Variants in RAD51B observed in about 807,000 individuals in gnomAD.
RAD51B encodes DNA repair protein RAD51 homolog 2.
Under a neutral mutation model 42.2 loss-of-function variants are expected in RAD51B, and 38 were observed. The ratio of observed to expected loss-of-function variants is 0.90; its 90% CI spans 0.70 to 1.18. The LOEUF (loss-of-function observed/expected upper bound fraction) is 1.18, where lower values mean the gene tolerates loss of function less well. Ranked by LOEUF, RAD51B falls within the 50% of genes most tolerant of loss-of-function variation. The probability of loss-of-function intolerance (pLI) is 0.00; values close to 1 mark genes in which losing one functional copy is unlikely to be tolerated. For missense variants in RAD51B, 373 were observed against 400.7 expected (o/e 0.93, Z 0.59); for synonymous variants, 154 against 145.2 (o/e 1.06, Z -0.43).
chr14:68,567,117 A>T (rs974954469), intron 10 of RAD51B, among the ~76,000 whole-genome samples: 3 of 152,054 alleles, frequency 2.0e-5, no homozygotes, highest in African/African-American at 7.2e-5. Flanking sequence ...GGCTGAGATG[A>T]TGAAACCCTG....
rs1310713227 is a variant in RAD51B at position 67,964,390 on chromosome 14, A to G, written c.756+77186A>G. 2.0e-5 allele frequency among the ~76,000 whole-genome samples: 3 copies of G among 152,322 alleles called. No homozygotes were observed. The East Asian group carries it at 5.8e-4, about 29-fold the overall frequency. ...AGAAGATTAAAAACAAAGCAGCTCC[A>G]AAGTGTGTGCACATCATGGAGAAGA... On this transcript the variant is annotated intron_variant, in intron 7 of 10. Transcript: ENST00000471583.
chr14:67,960,484 G>A (rs997304272), intron 7 of RAD51B, among the ~76,000 whole-genome samples: 1 of 152,044 alleles, frequency 6.6e-6, no homozygotes, highest in Non-Finnish European at 1.5e-5. Flanking sequence ...ATAGATTTTT[G>A]TTCTAGGACC....
At chr14:67,822,503 C>A (rs1354266383) in intron 1 of RAD51B, among the ~76,000 whole-genome samples, 2 of 152,056 alleles carry the variant, frequency 1.3e-5, no homozygotes, top group Non-Finnish European at 2.9e-5. Flanking sequence ...ATGGCAAAAC[C>A]CTGTCTCTAC....
At chr14:68,030,811 T>C (rs967351423) in intron 7 of RAD51B, among the ~76,000 whole-genome samples, 1 of 152,192 alleles carries the variant, frequency 6.6e-6, no homozygotes, top group Non-Finnish European at 1.5e-5. Context: ...CTAAGCTTAA[T>C]TTAAAGTAAG....
chr14:67,967,819 T>TG (rs1188117120), intron 7 of RAD51B, among the ~76,000 whole-genome samples: 2 of 152,184 alleles, frequency 1.3e-5, no homozygotes, highest in African/African-American at 4.8e-5. Flanking sequence ...TTCTAGGGTC[T>TG]GGAGGATGGT....
chr14:68,570,177 G>T (rs1392447075), intron 10 of RAD51B, among the ~76,000 whole-genome samples: 2 of 152,132 alleles, frequency 1.3e-5, no homozygotes, highest in East Asian at 3.9e-4. Context: ...CCATACCCAG[G>T]TCCCTCTGCC....
chr14:68,111,101 T>A (rs2077452399), intron 7 of RAD51B, among the ~76,000 whole-genome samples: 1 of 152,080 alleles, frequency 6.6e-6, no homozygotes, highest in Non-Finnish European at 1.5e-5. Context: ...TAGGCTCTTT[T>A]TGCATTGTAG....
chr14:68,125,006 G>T (rs2077728147), intron 7 of RAD51B: 1 of 151,910 alleles, frequency 6.6e-6, no homozygotes, highest in South Asian at 2.1e-4. Flanking sequence ...AGGTGACGAA[G>T]TGAAATTTTC....
At chr14:68,226,363 T>A (rs1353076032) in intron 7 of RAD51B, among the ~76,000 whole-genome samples, 2 of 152,226 alleles carry the variant, frequency 1.3e-5, no homozygotes, top group Non-Finnish European at 2.9e-5. Flanking sequence ...TCACGTATTA[T>A]CTTCTAGAGC....
intron 8 of RAD51B, among the ~76,000 whole-genome samples, chr14:68,304,247 G>A (rs772028169): frequency 1.8e-4 from 27 of 151,686 alleles, no homozygotes; most frequent in Admixed American, 2.6e-4. Context: ...ATAATATTGA[G>A]TGCCTATTAT....
intron 10 of RAD51B, among the ~76,000 whole-genome samples, chr14:68,631,670 C>T (rs1027195489): frequency 6.6e-6 from 1 of 152,142 alleles, no homozygotes; most frequent in Admixed American, 6.5e-5. Context: ...TACCACTGTC[C>T]CAGCTCTCCC....
intron 10 of RAD51B, among the ~76,000 whole-genome samples, chr14:68,574,021 G>A (rs1476753215): frequency 6.7e-6 from 1 of 149,806 alleles, no homozygotes; most frequent in Admixed American, 6.7e-5. Flanking sequence ...CTCACATGTT[G>A]AAGGAACTCC....
intron 11 of RAD51B, among the ~76,000 whole-genome samples, chr14:68,663,000 G>A (rs1193323658): frequency 1.3e-5 from 2 of 152,198 alleles, no homozygotes; most frequent in East Asian, 3.9e-4. Context: ...GGAGGCACCA[G>A]CAAGAGACAG....
intron 8 of RAD51B, among the ~76,000 whole-genome samples, chr14:68,343,394 G>C (rs527968123): frequency 3.3e-5 from 5 of 151,986 alleles, no homozygotes; most frequent in African/African-American, 1.2e-4. Context: ...GAACTTTTAG[G>C]GTCAGGTCTA....
chr14:68,012,995 C>A (rs989235047), intron 7 of RAD51B, among the ~76,000 whole-genome samples: 1 of 152,154 alleles, frequency 6.6e-6, no homozygotes, highest in Admixed American at 6.5e-5. Flanking sequence ...AACTTAGTGG[C>A]ACAAAGCAAT....
In RAD51B at chr14:68,681,407, GGAA is replaced by G. The variant is rs1280518939; in HGVS notation, c.*11+30552_*11+30554del. Among the ~76,000 whole-genome samples the G allele has an allele frequency of 1.4e-3, 219 of 152,226 alleles. 3 individuals are homozygous for G. Among genetic ancestry groups the G allele is most frequent in the African/African-American group, 5.1e-3 (211 of 41,536 alleles). On this transcript the variant is annotated intron_variant, in intron 11 of 11. Transcript: ENST00000488612. ...GGAAGAGGAATAGGAAGGTGAAGGA[GGAA>G]CAAGGGCCTCCAAGCAACGTACCAT... is the stretch of plus-strand genomic sequence containing the variant.
chr14:68,593,699 G>A (rs1275528548), intron 10 of RAD51B, among the ~76,000 whole-genome samples: 2 of 152,194 alleles, frequency 1.3e-5, no homozygotes, highest in African/African-American at 4.8e-5. Context: ...TGCCACTATT[G>A]TCTAATTATG....
intron 10 of RAD51B, among the ~76,000 whole-genome samples, chr14:68,490,173 A>G (rs1883950111): frequency 6.6e-6 from 1 of 152,252 alleles, no homozygotes; most frequent in South Asian, 2.1e-4. Context: ...TAGCACCTTA[A>G]AGAAAGTAAT....
chr14:68,535,964 A>G (rs1170560525), intron 10 of RAD51B, among the ~76,000 whole-genome samples: 1 of 152,202 alleles, frequency 6.6e-6, no homozygotes, highest in African/African-American at 2.4e-5. Flanking sequence ...AATGTAAGCC[A>G]GAGTTTAAAA....
Sources: allele counts gnomAD v4.1 joint callset (sites outside exome capture counted in the v4.1 genomes callset), GRCh38; gene constraint gnomAD v4.1.1; transcripts MANE v1.5; gene names NCBI Gene and HGNC (gene_info 2026-07-23, HGNC 2026-07-21).